The following ONECUT3 variants were observed in gnomAD, a reference collection of about 807,000 sequenced individuals.
ONECUT3 encodes one cut domain family member 3.
Under a neutral mutation model 16.8 loss-of-function variants are expected in ONECUT3, and 11 were observed. That is an observed-to-expected ratio of 0.66 (90% CI 0.41 to 1.09). ONECUT3 has a LOEUF of 1.09. ONECUT3 is among the 50% of genes least tolerant of loss of function. The probability of loss-of-function intolerance (pLI) is 0.00; values close to 1 mark genes in which losing one functional copy is unlikely to be tolerated. For missense variants in ONECUT3, 637 were observed against 629.9 expected (o/e 1.01, Z -0.12); for synonymous variants, 344 against 310.7 (o/e 1.11, Z -1.13).
In ONECUT3 at chr19:1,758,315, A is replaced by AAAAG. The variant is rs1555799065; in HGVS notation, c.1192+3462_1192+3463insAAGA. Among the ~76,000 whole-genome samples, 4 of 77,056 alleles carry AAAAG rather than the reference A, an allele frequency of 5.2e-5. No homozygotes were observed. The highest frequency in any genetic ancestry group is 1.6e-4 in the African/African-American group (4 of 24,838). The allele number at this position is 77,056 out of a possible 152,430, so 50.6% of individuals were successfully genotyped here. ...GCAGAGAGACCAAAAAAAAAAAAAA[A>AAAAG]AGAGAGAGAGAGAGAGAGAGACAGA... On this transcript the variant is annotated intron_variant, in intron 1 of 1. Transcript: ENST00000382349. This position sits in a 1 kb window ranked among gnomAD's most constrained non-coding sequence, Gnocchi z 5.9.
At position 1,759,157 on chromosome 19, in the gene ONECUT3, T is replaced by C. The variant is rs968277129; in HGVS notation, c.1192+4303T>C. Among the ~76,000 whole-genome samples, 2 of 151,816 alleles carry C rather than the reference T, an allele frequency of 1.3e-5. No homozygotes were observed. The highest frequency in any genetic ancestry group is 4.8e-5 in the African/African-American group (2 of 41,280). On this transcript the variant is annotated intron_variant, in intron 1 of 1. Coordinates refer to ENST00000382349, the MANE Select transcript of ONECUT3 (RefSeq NM_001080488.2). This position sits in a 1 kb window ranked among gnomAD's most constrained non-coding sequence, Gnocchi z 4.1. ...GTCCTAGGGACAAAAACCAGAGCTG[T>C]GTATGGAGTTGCATGCTGAGGGCAG...
chr19:1,774,258 A>C (rs567206292), intron 1 of ONECUT3, among the ~76,000 whole-genome samples: 1 of 152,114 alleles, frequency 6.6e-6, no homozygotes, highest in South Asian at 2.1e-4. Context: ...CAGGCCTTAC[A>C]GGAGTGTCGC....
rs1411358244 is a variant in ONECUT3 at position 1,764,958 on chromosome 19, C to T, written c.1192+10104C>T. On this transcript the variant is annotated intron_variant, in intron 1 of 1. Coordinates refer to ENST00000382349, the MANE Select transcript of ONECUT3 (RefSeq NM_001080488.2). This position sits in a 1 kb window ranked among gnomAD's most constrained non-coding sequence, Gnocchi z 5.0. ...GAGACCGGGCTCCATATTGAATTGTCTGCTCCCTGAAGCCAGAGGTGGCTG... is the reference window on the plus strand; with the variant it reads ...GAGACCGGGCTCCATATTGAATTGTTTGCTCCCTGAAGCCAGAGGTGGCTG... Among the ~76,000 whole-genome samples, 3 of 152,040 alleles carry T rather than the reference C, an allele frequency of 2.0e-5. No homozygotes were observed. In the East Asian group the frequency reaches 5.8e-4, roughly 29 times the overall value.
rs1315536207 is a variant in ONECUT3 at position 1,762,420 on chromosome 19, T to A, written c.1192+7566T>A. Among the ~76,000 whole-genome samples the A allele has an allele frequency of 6.6e-6, 1 of 152,212 alleles. No homozygotes were observed. Among genetic ancestry groups the A allele is most frequent in the Non-Finnish European group, 1.5e-5 (1 of 68,028 alleles). On this transcript the variant is annotated intron_variant, in intron 1 of 1. Transcript: ENST00000382349. The surrounding 1 kb of genome is among the most constrained non-coding windows in gnomAD (Gnocchi z 4.4). ...GCGGGGCAGCAGGGGTCCACGCATT[T>A]CCAAGCGCCCTTTCCCGTCCAAGGA...
In ONECUT3 at chr19:1,754,887, G is replaced by C. The variant is rs2067908367; in HGVS notation, c.1192+33G>C. ...CGTGGCGCGCAGGGCCAGACCCTGG[G>C]GGCGCCGGCTCTGGACTCCCGAGCA... On this transcript the variant is annotated intron_variant, in intron 1 of 1. Coordinates refer to ENST00000382349, the MANE Select transcript of ONECUT3 (RefSeq NM_001080488.2). The surrounding 1 kb of genome is among the most constrained non-coding windows in gnomAD (Gnocchi z 7.4). The C allele has an allele frequency of 7.3e-7, 1 of 1,368,452 alleles. No homozygotes were observed. The highest frequency in any genetic ancestry group is 1.5e-5 in the African/African-American group (1 of 66,456). The allele number at this position is 1,368,452 out of a possible 1,614,324, so 84.8% of individuals were successfully genotyped here.
At chr19:1,773,500 G>T (rs1314206474) in intron 1 of ONECUT3, among the ~76,000 whole-genome samples, 1 of 152,188 alleles carries the variant, frequency 6.6e-6, no homozygotes, top group East Asian at 1.9e-4. Flanking sequence ...TTCTGTGGAC[G>T]TGTATGGACA....
chr19:1,776,092 G>C lies in ONECUT3; in HGVS notation c.*647G>C, dbSNP rs1268418418. The C allele has an allele frequency of 6.6e-6, 1 of 152,272 alleles. No individual in the cohort carries two copies. Among genetic ancestry groups the C allele is most frequent in the Non-Finnish European group, 1.5e-5 (1 of 68,122 alleles). 9.4% of individuals were successfully genotyped at this position (152,272 alleles called of 1,614,324 possible). ...CCCCTCTCTGCGGCCAGGATTCCTCGTGCCAAGAATCGCCTGCCTTAAAGT... is the reference window on the plus strand; with the variant it reads ...CCCCTCTCTGCGGCCAGGATTCCTCCTGCCAAGAATCGCCTGCCTTAAAGT... On this transcript the variant is annotated 3_prime_UTR_variant, in exon 2 of 2. Coordinates refer to ENST00000382349, the MANE Select transcript of ONECUT3 (RefSeq NM_001080488.2). This position sits in a 1 kb window ranked among gnomAD's most constrained non-coding sequence, Gnocchi z 4.9.
chr19:1,770,588 G>A (rs906685886), intron 1 of ONECUT3, among the ~76,000 whole-genome samples: 1 of 152,320 alleles, frequency 6.6e-6, no homozygotes, highest in East Asian at 1.9e-4. Context: ...CTAAGTGAAT[G>A]AATAAATGAG....
rs1555801748 is a variant in ONECUT3, at chr19:1,778,885, C to CACACACACAT, written c.*3449_*3450insTACACACACA. 62 of 150,028 alleles carry CACACACACAT rather than the reference C, an allele frequency of 4.1e-4. No individual in the cohort carries two copies. Among genetic ancestry groups the CACACACACAT allele is most frequent in the African/African-American group, 1.5e-3 (62 of 40,446 alleles). The allele number at this position is 150,028 out of a possible 1,614,324, so 9.3% of individuals were successfully genotyped here. On this transcript the variant is annotated 3_prime_UTR_variant, in exon 2 of 2. Transcript: ENST00000382349. The stretch of plus-strand genomic sequence containing the variant: ...TTCGTATCACACACACACACACACA[C>CACACACACAT]ACACACACACACACACACACACACA...
Position 1,775,638 on chromosome 19 carries a change from C to T in ONECUT3, c.*193C>T, listed in dbSNP as rs1332854679. The T allele has an allele frequency of 9.7e-6, 5 of 515,630 alleles. No homozygotes were observed. The highest frequency in any genetic ancestry group is 4.1e-5 in the African/African-American group (2 of 48,296). The allele number at this position is 515,630 out of a possible 1,614,324, so 31.9% of individuals were successfully genotyped here. On this transcript the variant is annotated 3_prime_UTR_variant, in exon 2 of 2. Coordinates refer to ENST00000382349, the MANE Select transcript of ONECUT3 (RefSeq NM_001080488.2). ...CAAGTGCACAAAAAGGGCCCCCCTT[C>T]CTCCCTCCATGCCCACTCCCTCCAG... is the stretch of plus-strand genomic sequence containing the variant.
rs1275113812 is a variant in ONECUT3, at chr19:1,764,214, G to T, written c.1192+9360G>T. On this transcript the variant is annotated intron_variant, in intron 1 of 1. Coordinates refer to ENST00000382349, the MANE Select transcript of ONECUT3 (RefSeq NM_001080488.2). The surrounding 1 kb of genome is among the most constrained non-coding windows in gnomAD (Gnocchi z 5.0). ...GCTCCTGTTTGAGGGTGCCTGAATG[G>T]GGTGGGTCTCTGTAGCTGAATGTCC... 6.6e-6 allele frequency among the ~76,000 whole-genome samples: 1 copy of T among 152,198 alleles called. No individual in the cohort carries two copies. The highest frequency in any genetic ancestry group is 2.4e-5 in the African/African-American group (1 of 41,442).
chr19:1,773,543 G>A (rs942845015), intron 1 of ONECUT3, among the ~76,000 whole-genome samples: 5 of 152,168 alleles, frequency 3.3e-5, no homozygotes, highest in Non-Finnish European at 7.3e-5. Context: ...AGGCTGTTCT[G>A]CAACGAAAAG....
chr19:1,763,382 A>ATAAAAAAAAAAT (rs1373088476), intron 1 of ONECUT3, among the ~76,000 whole-genome samples: 40 of 131,280 alleles, frequency 3.0e-4, no homozygotes, highest in Admixed American at 2.9e-3. Context: ...AAAAAAAAAA[A>ATAAAAAAAAAAT]AAAAAAAAAA....
Position 1,755,024 on chromosome 19 carries a change from C to T in ONECUT3, c.1192+170C>T, listed in dbSNP as rs980850293. Among the ~76,000 whole-genome samples the T allele has an allele frequency of 6.6e-6, 1 of 152,070 alleles. No individual in the cohort carries two copies. Among genetic ancestry groups the T allele is most frequent in the African/African-American group, 2.4e-5 (1 of 41,422 alleles). ...CTAGACCGCGATCCGCGCCGCTGCC[C>T]GTTTGTACCGTTGCCAAAAGGGAGA... On this transcript the variant is annotated intron_variant, in intron 1 of 1. Transcript: ENST00000382349. This position sits in a 1 kb window ranked among gnomAD's most constrained non-coding sequence, Gnocchi z 7.5.
Position 1,759,517 on chromosome 19 carries a change from AG to A in ONECUT3, c.1192+4667del. Reference sequence around the variant, plus strand: ...GGAGGAGAGGGAAGGGAGGGAAGGAAGGGGAGAGAGGAGAGAGGGAAAGACC... The same window carrying A: ...GGAGGAGAGGGAAGGGAGGGAAGGAAGGGAGAGAGGAGAGAGGGAAAGACC... On this transcript the variant is annotated intron_variant, in intron 1 of 1. Transcript: ENST00000382349. The surrounding 1 kb of genome is among the most constrained non-coding windows in gnomAD (Gnocchi z 4.1). Among the ~76,000 whole-genome samples, 1 of 151,894 alleles carries A rather than the reference AG, an allele frequency of 6.6e-6. No individual in the cohort carries two copies. Among genetic ancestry groups the A allele is most frequent in the South Asian group, 2.1e-4 (1 of 4,806 alleles).
chr19:1,773,699 G>T (rs1035388170), intron 1 of ONECUT3, among the ~76,000 whole-genome samples: 1 of 152,190 alleles, frequency 6.6e-6, no homozygotes, highest in African/African-American at 2.4e-5. Flanking sequence ...ACAAGGGCAG[G>T]ACAGCCTCTT....
intron 1 of ONECUT3, among the ~76,000 whole-genome samples, chr19:1,765,086 A>G (rs900171570): frequency 2.6e-5 from 4 of 152,126 alleles, no homozygotes; most frequent in Non-Finnish European, 5.9e-5. Context: ...TGTCGGGCAC[A>G]GAGGGACATG....
Position 1,754,526 on chromosome 19 carries a change from C to T in ONECUT3, c.864C>T (p.Gly288=). Residue 288 remains glycine (G), a synonymous_variant, in exon 1 of 2, where the codon GGC becomes GGT. Coordinates refer to ENST00000382349, the MANE Select transcript of ONECUT3 (RefSeq NM_001080488.2). The surrounding 1 kb of genome is among the most constrained non-coding windows in gnomAD (Gnocchi z 7.4). Reference sequence around the variant, plus strand: ...CCGCGGGGCTGCTGGCGCCGCTGGGCGGGCTGGCGGCGGCCGGGGCGCACG... The same window carrying T: ...CCGCGGGGCTGCTGGCGCCGCTGGGTGGGCTGGCGGCGGCCGGGGCGCACG... The part of the protein sequence containing the change: ...GSAAGLLAPL[G]GLAAAGAHGP... 1 of 979,696 alleles carries T rather than the reference C, an allele frequency of 1.0e-6. No homozygotes were observed. The highest frequency in any genetic ancestry group is 1.2e-6 in the Non-Finnish European group (1 of 827,814). The allele number at this position is 979,696 out of a possible 1,614,324, so 60.7% of individuals were successfully genotyped here.
intron 1 of ONECUT3, among the ~76,000 whole-genome samples, chr19:1,760,658 T>TC (rs1555799225): frequency 4.1e-5 from 6 of 145,396 alleles, no homozygotes; most frequent in African/African-American, 1.5e-4. Flanking sequence ...GGATGGGCGG[T>TC]GGGGGGGGGC....
Sources: allele counts gnomAD v4.1 joint callset (sites outside exome capture counted in the v4.1 genomes callset), GRCh38; gene constraint gnomAD v4.1.1; non-coding constraint Gnocchi (gnomAD v3.1); transcripts MANE v1.5; gene names NCBI Gene and HGNC (gene_info 2026-07-23, HGNC 2026-07-21).